CREBZF: variants seen among roughly 807,000 people sequenced by gnomAD.
CREBZF encodes the protein HCF-binding transcription factor Zhangfei.
CREBZF carries 8 observed loss-of-function variants against 21.1 expected under a neutral mutation model. The ratio of observed to expected loss-of-function variants is 0.38; its 90% confidence interval spans 0.22 to 0.68. The LOEUF (loss-of-function observed/expected upper bound fraction) is 0.68, where lower values mean the gene tolerates loss of function less well. Among genes scored for constraint, CREBZF ranks in the 30% least tolerant of loss-of-function variants. CREBZF has a pLI of 0.51. For missense variants in CREBZF, 518 were observed against 484.3 expected, an observed-to-expected ratio of 1.07 and a Z score of -0.65; for synonymous variants, 270 against 223.3, an observed-to-expected ratio of 1.21 and a Z score of -1.86.
Position 85,681,178 on chromosome 11 carries a change from G to T in CREBZF, n.147+1539C>A, listed in dbSNP as rs529407914. On this transcript the variant is annotated intron_variant and non_coding_transcript_variant, in intron 1 of 3. Transcript: ENST00000531515. ...TCCTCTTTTCTTTGTGGACCAAGAG[G>T]TGATATCTCAAGTCTGCCCAACTCT... 4.1e-4 allele frequency among the ~76,000 whole-genome samples: 63 copies of T among 152,290 alleles called. 2 individuals are homozygous for T. The South Asian group carries it at 0.012, about 30-fold the overall frequency.
chr11:85,663,449 A>G lies in CREBZF; in HGVS notation c.*362T>C. 1 of 737,910 alleles carries G rather than the reference A, an allele frequency of 1.4e-6. No homozygotes were observed. The highest frequency in any genetic ancestry group is 2.4e-6 in the Non-Finnish European group (1 of 415,850). 45.7% of individuals were successfully genotyped at this position (737,910 alleles called of 1,614,324 possible). On this transcript the variant is annotated 3_prime_UTR_variant, in exon 1 of 1. Transcript: ENST00000527447. ...AAAAAAAAAAAAAAATCACACACAC[A>G]CAAACTGAGATGTTGCCCATTAAAG... is the stretch of plus-strand genomic sequence containing the variant.
Position 85,658,527 on chromosome 11 carries a change from TTA to T in CREBZF, c.*5282_*5283del, listed in dbSNP as rs2082581224. On this transcript the variant is annotated 3_prime_UTR_variant, in exon 1 of 1. Transcript: ENST00000527447. ...AGATATCTGCATTATTTAAGGACAT[TTA>T]GTCATTTGTAGCTAACACCTGAAGT... is the stretch of plus-strand genomic sequence containing the variant. 6.6e-6 allele frequency among the ~76,000 whole-genome samples: 1 copy of T among 152,054 alleles called. No individual in the cohort carries two copies.
In CREBZF at chr11:85,675,917, T is replaced by A. The variant is rs1591491698; in HGVS notation, n.147+6800A>T. ...TGTCTAGGGCACTGTTGGATTATGT[T>A]TACAAGCACTACATACATATTTGCA... On this transcript the variant is annotated intron_variant and non_coding_transcript_variant, in intron 1 of 3. Coordinates refer to the CREBZF transcript ENST00000531515. Among the ~76,000 whole-genome samples, 3 of 152,302 alleles carry A rather than the reference T, an allele frequency of 2.0e-5. No individual in the cohort carries two copies. The East Asian group carries it at 5.8e-4, about 29-fold the overall frequency.
At chr11:85,672,330 G>A (rs919347587) in intron 1 of CREBZF, among the ~76,000 whole-genome samples, 1 of 152,252 alleles carries the variant, frequency 6.6e-6, no homozygotes, top group Admixed American at 6.5e-5. Context: ...TGCCTCGAAG[G>A]TCTCTAAAAT....
intron 1 of CREBZF, among the ~76,000 whole-genome samples, chr11:85,675,525 A>G (rs979453079): frequency 1.1e-4 from 16 of 152,174 alleles, no homozygotes; most frequent in South Asian, 2.1e-4. Flanking sequence ...AACAATTACA[A>G]TAGTAGTATG....
upstream of CREBZF, among the ~76,000 whole-genome samples, chr11:85,669,464 G>C (rs1591488443): frequency 6.6e-6 from 1 of 151,458 alleles, no homozygotes; most frequent in Admixed American, 6.6e-5. Context: ...CTTTGAGCTA[G>C]ATCTTGTTAT....
intron 1 of CREBZF, among the ~76,000 whole-genome samples, chr11:85,678,324 T>G (rs1323878012): frequency 6.6e-6 from 1 of 152,222 alleles, no homozygotes; most frequent in African/African-American, 2.4e-5. Flanking sequence ...TGGATTTTTA[T>G]TGCTTCTAGG....
At chr11:85,676,436 T>C (rs974217053) in intron 1 of CREBZF, among the ~76,000 whole-genome samples, 2 of 152,204 alleles carry the variant, frequency 1.3e-5, no homozygotes, top group African/African-American at 4.8e-5. Context: ...TCTTAAATAC[T>C]GAAAATTTGT....
chr11:85,664,525 G>A lies in CREBZF; in HGVS notation c.351C>T (p.Asp117=), dbSNP rs2082797072. 1.2e-6 allele frequency: 2 copies of A among 1,613,696 alleles called. No individual in the cohort carries two copies. Among genetic ancestry groups the A allele is most frequent in the African/African-American group, 2.7e-5 (2 of 74,916 alleles). Residue 117 remains aspartate, a synonymous_variant, in exon 1 of 1, where the codon GAC becomes GAT. Transcript: ENST00000527447. This position sits in a 1 kb window ranked among gnomAD's most constrained non-coding sequence, Gnocchi z 5.5. ...AGCTAAGCCCGGGGTCCAGGTGCCA[G>A]TCCGGTTGCCTGGGGTCCAGGAGAT... ...LADLLDPRQP[D]WHLDPGLSSP... is the part of the protein sequence containing the mutation.
In CREBZF at chr11:85,664,519, G is replaced by A. The variant is rs1465253237; in HGVS notation, c.357C>T (p.His119=). The change falls in exon 1 of 1, where the codon CAC becomes CAT. Residue 119 remains histidine, a synonymous_variant. Transcript: ENST00000527447. The surrounding 1 kb of genome is among the most constrained non-coding windows in gnomAD (Gnocchi z 5.5). ...DLLDPRQPDW[H]LDPGLSSPGP... is the part of the protein sequence containing the mutation. ...CCGGCGAGCTAAGCCCGGGGTCCAG[G>A]TGCCAGTCCGGTTGCCTGGGGTCCA... is the stretch of plus-strand genomic sequence containing the variant. 3.1e-6 allele frequency: 5 copies of A among 1,613,740 alleles called. No homozygotes were observed. The African/African-American group carries it at 5.3e-5, about 17-fold the overall frequency.
upstream of CREBZF, among the ~76,000 whole-genome samples, chr11:85,670,032 C>A (rs2082901052): frequency 1.3e-5 from 2 of 152,056 alleles, no homozygotes; most frequent in African/African-American, 4.8e-5. Flanking sequence ...TGGTCTTGAA[C>A]TCCTGACCTT....
chr11:85,676,320 C>T (rs1591491867), intron 1 of CREBZF, among the ~76,000 whole-genome samples: 1 of 152,320 alleles, frequency 6.6e-6, no homozygotes, highest in African/African-American at 2.4e-5. Flanking sequence ...CAATGGGCAC[C>T]TCGGAGCCAG....
chr11:85,664,612 G>A lies in CREBZF; in HGVS notation c.264C>T (p.Ile88=), dbSNP rs200873112. The A allele has an allele frequency of 5.3e-5, 85 of 1,613,518 alleles. 3 individuals carry two copies. In the Middle Eastern group the frequency reaches 8.3e-4, roughly 16 times the overall value. ...CCGTCTCTTCCCCCGGGAGGCTGGC[G>A]ATCGCCTCCTCCTCCATCTCCTCGG... ...PSPEEMEEEA[I]ASLPGEETED... The change falls in exon 1 of 1, where the codon ATC becomes ATT. Residue 88 remains isoleucine (I), a synonymous_variant. Transcript: ENST00000527447. This position sits in a 1 kb window ranked among gnomAD's most constrained non-coding sequence, Gnocchi z 5.5.
rs774928966 is a variant in CREBZF, at chr11:85,664,124, C to A, written c.752G>T (p.Arg251Leu). ...TGCCTGTACGCGTTTGCCCAGCTCC[C>A]GATTCTCGGCCCGCAGCTCCTGGTT... ...AENQELRAEN[R>L]ELGKRVQALQ... Residue 251 changes from arginine to leucine, a missense_variant, in exon 1 of 1, where the codon CGG (arginine) becomes CTG (leucine). Arg to Leu is a moderately radical substitution (Grantham distance 102). Transcript: ENST00000527447. This position sits in a 1 kb window ranked among gnomAD's most constrained non-coding sequence, Gnocchi z 5.5. 2 of 1,613,650 alleles carry A rather than the reference C, an allele frequency of 1.2e-6. No homozygotes were observed. Among genetic ancestry groups the A allele is most frequent in the Non-Finnish European group, 1.7e-6 (2 of 1,180,046 alleles).
At chr11:85,680,283 T>A (rs1379215062) in intron 1 of CREBZF, among the ~76,000 whole-genome samples, 1 of 152,254 alleles carries the variant, frequency 6.6e-6, no homozygotes, top group Non-Finnish European at 1.5e-5. Context: ...TTGCACTGTG[T>A]TCCAAAGTGT....
intron 1 of CREBZF, among the ~76,000 whole-genome samples, chr11:85,682,129 G>C (rs1394891134): frequency 1.5e-4 from 23 of 152,178 alleles, no homozygotes; most frequent in Non-Finnish European, 2.9e-5. Flanking sequence ...GGCCTGTGTA[G>C]GCGGCATACC....
chr11:85,670,347 C>T (rs1254131661), intron 1 of CREBZF, among the ~76,000 whole-genome samples: 4 of 10 alleles, frequency 0.4, no homozygotes, highest in Non-Finnish European at 0.5. Context: ...CTCTGTCACC[C>T]AGGTGGAGTG....
Position 85,664,575 on chromosome 11 carries a change from A to G in CREBZF, c.301T>C (p.Phe101Leu), listed in dbSNP as rs776539419. ...TCCGCCAGTTCCAGCCCAGACAGAA[A>G]GTCCATATCCTCCGTCTCTTCCCCC... ...LPGEETEDMD[F>L]LSGLELADLL... The change falls in exon 1 of 1, where the codon TTT becomes CTT. Residue 101 changes from phenylalanine to leucine, a missense_variant. Physicochemically the swap from Phe to Leu is conservative, Grantham distance 22. This residue lies in a region of CREBZF where 396 missense variants were observed against 324.4 expected (regional missense o/e 1.22). Transcript: ENST00000527447. The surrounding 1 kb of genome is among the most constrained non-coding windows in gnomAD (Gnocchi z 5.5). The G allele has an allele frequency of 2.5e-6, 4 of 1,613,730 alleles. No individual in the cohort carries two copies. Among genetic ancestry groups the G allele is most frequent in the Non-Finnish European group, 2.5e-6 (3 of 1,179,976 alleles).
At position 85,663,464 on chromosome 11, in the gene CREBZF, G is replaced by C; in HGVS notation, c.*347C>G. The C allele has an allele frequency of 6.6e-6, 5 of 755,184 alleles. No homozygotes were observed. Among genetic ancestry groups the C allele is most frequent in the Middle Eastern group, 2.3e-4 (1 of 4,396 alleles). The allele number at this position is 755,184 out of a possible 1,614,324, so 46.8% of individuals were successfully genotyped here. A position where few individuals can be genotyped will look rare whatever the true frequency, so the allele number is the denominator to read the frequency against. On this transcript the variant is annotated 3_prime_UTR_variant, in exon 1 of 1. Coordinates refer to ENST00000527447, the MANE Select transcript of CREBZF (RefSeq NM_001039618.4). ...TCACACACACACAAACTGAGATGTT[G>C]CCCATTAAAGTAGACAAAGCAGCAG...
Sources: allele counts gnomAD v4.1 joint callset (sites outside exome capture counted in the v4.1 genomes callset), GRCh38; gene constraint gnomAD v4.1.1; regional missense constraint gnomAD v4.1.1; non-coding constraint Gnocchi (gnomAD v3.1); transcripts MANE v1.5; gene names NCBI Gene and HGNC (gene_info 2026-07-23, HGNC 2026-07-21).